The following DAPK1 variants were observed in gnomAD, a reference collection of about 807,000 sequenced individuals.
DAPK1 encodes death associated protein kinase 1.
Under a neutral mutation model 144.9 loss-of-function variants are expected in DAPK1, and 56 were observed. The ratio of observed to expected loss-of-function variants is 0.39; its 90% CI spans 0.31 to 0.48. The LOEUF (loss-of-function observed/expected upper bound fraction) is 0.48, where lower values mean the gene tolerates loss of function less well. Among genes scored for constraint, DAPK1 ranks in the 20% least tolerant of loss-of-function variants. The pLI is 0.95. For synonymous variants in DAPK1, 690 were observed against 749.0 expected (o/e 0.92, Z 1.29); for missense variants, 1,454 against 1,875.4 (o/e 0.78, Z 4.15).
intron 2 of DAPK1, among the ~76,000 whole-genome samples, chr9:87,579,713 G>GT (rs1215940781): frequency 1.3e-5 from 2 of 152,048 alleles, no homozygotes; most frequent in East Asian, 1.9e-4. Context: ...ATCTATTTCT[G>GT]TTTTTTTCAA....
intron 2 of DAPK1, among the ~76,000 whole-genome samples, chr9:87,544,307 C>A (rs1046533903): frequency 6.6e-6 from 1 of 152,184 alleles, no homozygotes; most frequent in Non-Finnish European, 1.5e-5. Flanking sequence ...TGAGAAAAAT[C>A]ACCCATAACT....
At chr9:87,642,811 G>T (rs1268650407) in intron 10 of DAPK1, among the ~76,000 whole-genome samples, 2 of 151,886 alleles carry the variant, frequency 1.3e-5, no homozygotes, top group Non-Finnish European at 2.9e-5. Flanking sequence ...AATAGAGAGA[G>T]AGCAACCATT....
chr9:87,580,620 A>G (rs527913258), intron 2 of DAPK1, among the ~76,000 whole-genome samples: 12 of 152,148 alleles, frequency 7.9e-5, no homozygotes, highest in Non-Finnish European at 1.6e-4. Context: ...TTGAGCACTT[A>G]TTGTATACAA....
chr9:87,666,938 G>T (rs766454215), intron 18 of DAPK1, among the ~76,000 whole-genome samples: 77 of 152,184 alleles, frequency 5.1e-4, no homozygotes, highest in Non-Finnish European at 9.0e-4. Flanking sequence ...TTCAGTCAAG[G>T]CTCAGATTTC....
intron 2 of DAPK1, among the ~76,000 whole-genome samples, chr9:87,550,692 A>G (rs899791347): frequency 2.0e-5 from 3 of 152,232 alleles, no homozygotes; most frequent in Non-Finnish European, 4.4e-5. Flanking sequence ...GGGTTAGGAC[A>G]TCAGTATACA....
chr9:87,662,560 G>GTTT (rs71507734), intron 18 of DAPK1, among the ~76,000 whole-genome samples: 388 of 32,070 alleles, frequency 0.012, 68 homozygotes, highest in Non-Finnish European at 0.017. Flanking sequence ...TATATTCCTA[G>GTTT]TTTTTTTTTT....
At chr9:87,588,830 G>A (rs1828025121) in intron 2 of DAPK1, among the ~76,000 whole-genome samples, 1 of 151,832 alleles carries the variant, frequency 6.6e-6, no homozygotes, top group Non-Finnish European at 1.5e-5. Context: ...ATTAAATGAG[G>A]AGTGCACTAA....
At chr9:87,576,839 C>T (rs981705876) in intron 2 of DAPK1, among the ~76,000 whole-genome samples, 7 of 152,152 alleles carry the variant, frequency 4.6e-5, no homozygotes, top group African/African-American at 1.7e-4. Flanking sequence ...AGATTACAGG[C>T]GTGAGCCACC....
At position 87,619,566 on chromosome 9, in the gene DAPK1, T is replaced by C. The variant is rs542545050; in HGVS notation, c.284+14391T>C. 1.0e-3 allele frequency among the ~76,000 whole-genome samples: 157 copies of C among 152,296 alleles called. 2 individuals carry two copies. Among genetic ancestry groups the C allele is most frequent in the Admixed American group, 3.8e-3 (58 of 15,300 alleles). The stretch of plus-strand genomic sequence containing the variant: ...CGAAGGCTCTGCCTTGCACGTGACC[T>C]GCCATACTCTAAGTAGTCCTCTCTC... On this transcript the variant is annotated intron_variant, in intron 3 of 25. Coordinates refer to ENST00000408954, the MANE Select transcript of DAPK1 (RefSeq NM_004938.4).
chr9:87,631,285 T>C (rs1418087455), intron 3 of DAPK1, among the ~76,000 whole-genome samples: 1 of 152,192 alleles, frequency 6.6e-6, no homozygotes, highest in Non-Finnish European at 1.5e-5. Flanking sequence ...CTAGCAAAAG[T>C]CAGGAACCCT....
chr9:87,613,665 A>G (rs1342246337), intron 3 of DAPK1, among the ~76,000 whole-genome samples: 2 of 152,248 alleles, frequency 1.3e-5, no homozygotes, highest in Admixed American at 1.3e-4. Flanking sequence ...GATTAAAGTG[A>G]TAGTTTCAAA....
At position 87,706,451 on chromosome 9, in the gene DAPK1, G is replaced by A; in HGVS notation, c.3380G>A (p.Gly1127Asp). 1 of 1,613,846 alleles carries A rather than the reference G, an allele frequency of 6.2e-7. No homozygotes were observed. The highest frequency in any genetic ancestry group is 8.5e-7 in the Non-Finnish European group (1 of 1,179,706). Residue 1127 changes from glycine (G) to aspartate (D), a missense_variant, in exon 26 of 26, where the codon GGT becomes GAT. By Grantham distance (94) the Gly-to-Asp change is moderately conservative (BLOSUM62 -1). Transcript: ENST00000408954. The surrounding 1 kb of genome is among the most constrained non-coding windows in gnomAD (Gnocchi z 9.0). ...ADEEDEVMVY[G>D]GVRIVPVEHL... Reference sequence around the variant, plus strand: ...GAGGAGGACGAGGTGATGGTGTATGGTGGCGTGCGCATCGTGCCCGTGGAA... The same window carrying A: ...GAGGAGGACGAGGTGATGGTGTATGATGGCGTGCGCATCGTGCCCGTGGAA...
chr9:87,613,460 T>C lies in DAPK1; in HGVS notation c.284+8285T>C, dbSNP rs544291486. 3.9e-5 allele frequency among the ~76,000 whole-genome samples: 6 copies of C among 152,350 alleles called. No individual in the cohort carries two copies. In the South Asian group the frequency reaches 1.2e-3, roughly 32 times the overall value. On this transcript the variant is annotated intron_variant, in intron 3 of 25. Transcript: ENST00000408954. ...GTTGTATTCAAACATTTGTGCAATA[T>C]TAGGTCACTTTATGTAGGATCACGG...
At chr9:87,640,668 A>T (rs1022140494) in intron 8 of DAPK1, 134 bp from the exon 9 acceptor site, 1 of 1,073,200 alleles carries the variant, frequency 9.3e-7, no homozygotes, top group Non-Finnish European at 1.4e-6. Context: ...AAAAAGACCG[A>T]TGTTGTTTTT....
At chr9:87,573,825 A>G (rs889256103) in intron 2 of DAPK1, among the ~76,000 whole-genome samples, 4 of 152,224 alleles carry the variant, frequency 2.6e-5, no homozygotes, top group South Asian at 2.1e-4. Context: ...ATCTTTGATT[A>G]TTTTGAGTTT....
intron 2 of DAPK1, among the ~76,000 whole-genome samples, chr9:87,523,315 G>C (rs924302746): frequency 6.6e-6 from 1 of 152,020 alleles, no homozygotes; most frequent in Non-Finnish European, 1.5e-5. Flanking sequence ...TATTTGTTTT[G>C]AGACAGGGTC....
At chr9:87,697,863 A>G (rs188649265) in intron 22 of DAPK1, among the ~76,000 whole-genome samples, 8 of 152,306 alleles carry the variant, frequency 5.3e-5, no homozygotes, top group African/African-American at 9.6e-5. Context: ...CTGAGGCAGG[A>G]GGATTGCTTG....
At chr9:87,568,239 C>G (rs191761489) in intron 2 of DAPK1, among the ~76,000 whole-genome samples, 2 of 152,214 alleles carry the variant, frequency 1.3e-5, no homozygotes, top group African/African-American at 4.8e-5. Context: ...GCCTGCAGGC[C>G]GTGGGCCAAC....
intron 2 of DAPK1, among the ~76,000 whole-genome samples, chr9:87,581,279 A>G (rs958885248): frequency 2.6e-5 from 4 of 152,160 alleles, no homozygotes; most frequent in Non-Finnish European, 5.9e-5. Flanking sequence ...GAGGGGAGGA[A>G]CAAGGACTAG....
Sources: allele counts gnomAD v4.1 joint callset (sites outside exome capture counted in the v4.1 genomes callset), GRCh38; gene constraint gnomAD v4.1.1; non-coding constraint Gnocchi (gnomAD v3.1); transcripts MANE v1.5; gene names NCBI Gene and HGNC (gene_info 2026-07-23, HGNC 2026-07-21).